CSNK1A1: variants seen among roughly 807,000 people sequenced by gnomAD.
CSNK1A1 encodes casein kinase I isoform alpha.
CSNK1A1 carries 7 observed loss-of-function variants against 46.1 expected under a neutral mutation model. That is an observed-to-expected ratio of 0.15 (90% CI 0.09 to 0.29). CSNK1A1 has a LOEUF of 0.29. CSNK1A1 is among the 10% of genes least tolerant of loss of function. The probability of loss-of-function intolerance (pLI) is 1.00; values close to 1 mark genes in which losing one functional copy is unlikely to be tolerated. For synonymous variants in CSNK1A1, 137 were observed against 141.5 expected, an observed-to-expected ratio of 0.97 and a Z score of 0.23; for missense variants, 96 against 417.1, an observed-to-expected ratio of 0.23 and a Z score of 6.71.
chr5:149,510,798 C>A (rs1235012243), intron 6 of CSNK1A1, among the ~76,000 whole-genome samples: 2 of 152,094 alleles, frequency 1.3e-5, no homozygotes, highest in East Asian at 1.9e-4. Flanking sequence ...ATTTTCTTAA[C>A]CCATGTTCAA....
chr5:149,513,865 A>C (rs942498190), intron 4 of CSNK1A1, among the ~76,000 whole-genome samples: 5 of 151,092 alleles, frequency 3.3e-5, no homozygotes, highest in Non-Finnish European at 5.9e-5. Flanking sequence ...GCGTCACTGC[A>C]CTCCAGCCTG....
chr5:149,497,833 G>T (rs1227337579), intron 9 of CSNK1A1: 1 of 985,104 alleles, frequency 1.0e-6, no homozygotes, highest in African/African-American at 1.7e-5. Context: ...TTTTCTTTTA[G>T]TTCTTTTTTC....
At chr5:149,524,792 A>AT (rs1406151686) in intron 3 of CSNK1A1, among the ~76,000 whole-genome samples, 9 of 152,358 alleles carry the variant, frequency 5.9e-5, no homozygotes, top group African/African-American at 2.2e-4. Context: ...AACCTGCTAC[A>AT]TATGACACTA....
intron 2 of CSNK1A1, among the ~76,000 whole-genome samples, chr5:149,544,381 G>C (rs1403649642): frequency 6.6e-6 from 1 of 152,034 alleles, no homozygotes; most frequent in Non-Finnish European, 1.5e-5. Flanking sequence ...TGTTTCTTGG[G>C]TCATTGCACG....
At chr5:149,516,117 C>A (rs1485472110) in intron 4 of CSNK1A1, among the ~76,000 whole-genome samples, 1 of 152,076 alleles carries the variant, frequency 6.6e-6, no homozygotes, top group East Asian at 1.9e-4. Context: ...GTCAGGAGTT[C>A]AAGACCAGTC....
intron 4 of CSNK1A1, among the ~76,000 whole-genome samples, chr5:149,513,647 C>A (rs1761304406): frequency 6.6e-6 from 1 of 152,180 alleles, no homozygotes; most frequent in Admixed American, 6.5e-5. Context: ...CGCCTATAAT[C>A]CCAGCACTTT....
At chr5:149,529,770 T>C (rs1761833199) in intron 2 of CSNK1A1, 1 of 456,156 alleles carries the variant, frequency 2.2e-6, no homozygotes, top group Admixed American at 2.3e-5. Flanking sequence ...GAGACATAAT[T>C]AAAATCAGTA....
Position 149,511,879 on chromosome 5 carries a change from A to G in CSNK1A1, c.597-7T>C, listed in dbSNP as rs777661417. ...TTCCATGTCATCTCGGCGACTAGAA[A>G]AGAGAACGTAATTTTATAAACTGGA... On this transcript the variant is annotated splice_polypyrimidine_tract_variant and splice_region_variant and intron_variant, in intron 5 of 9. Transcript: ENST00000377843. 3 of 1,594,476 alleles carry G rather than the reference A, an allele frequency of 1.9e-6. No homozygotes were observed. The Admixed American group carries it at 5.2e-5, about 28-fold the overall frequency.
intron 9 of CSNK1A1, chr5:149,497,611 G>A: frequency 1.0e-6 from 1 of 985,342 alleles, no homozygotes. Flanking sequence ...ACAGCTAAAG[G>A]CAAAGGGAGA....
At chr5:149,499,620 C>CT (rs35603016) in intron 9 of CSNK1A1, among the ~76,000 whole-genome samples, 4,333 of 144,140 alleles carry the variant, frequency 0.03, 87 homozygotes, top group Middle Eastern at 0.046. Flanking sequence ...AAAAGATATG[C>CT]TTTTTTTTTT....
chr5:149,542,556 T>C (rs1404659831), intron 2 of CSNK1A1, among the ~76,000 whole-genome samples: 1 of 119,474 alleles, frequency 8.4e-6, no homozygotes, highest in Non-Finnish European at 1.7e-5. Flanking sequence ...ATACTTTACA[T>C]GGGTTCAAGC....
rs1416932853 is a variant in CSNK1A1 at position 149,497,159 on chromosome 5, T to C, written c.1007-299A>G. 8 of 1,133,260 alleles carry C rather than the reference T, an allele frequency of 7.1e-6. No individual in the cohort carries two copies. The South Asian group carries it at 1.3e-4, about 18-fold the overall frequency. The allele number at this position is 1,133,260 out of a possible 1,614,324, so 70.2% of individuals were successfully genotyped here. Reference sequence around the variant, plus strand: ...ATGAGCATGTTTCTGCATTTTTACATATGCAGAACATATTAGGCATTCACA... The same window carrying C: ...ATGAGCATGTTTCTGCATTTTTACACATGCAGAACATATTAGGCATTCACA... On this transcript the variant is annotated intron_variant, in intron 9 of 9. Coordinates refer to ENST00000377843, the MANE Select transcript of CSNK1A1 (RefSeq NM_001892.6).
chr5:149,547,000 G>T (rs1291492899), intron 2 of CSNK1A1, among the ~76,000 whole-genome samples: 2 of 151,858 alleles, frequency 1.3e-5, no homozygotes, highest in African/African-American at 2.4e-5. Context: ...TAAAACCAAT[G>T]AACCACTTTT....
intron 2 of CSNK1A1, among the ~76,000 whole-genome samples, chr5:149,537,233 G>A (rs1055133816): frequency 1.5e-4 from 23 of 151,938 alleles, no homozygotes; most frequent in East Asian, 1.9e-4. Flanking sequence ...AAAATTAGCC[G>A]GGTGCAGTAG....
At chr5:149,548,620 G>A (rs1762556358) in intron 2 of CSNK1A1, among the ~76,000 whole-genome samples, 1 of 152,080 alleles carries the variant, frequency 6.6e-6, no homozygotes, top group Non-Finnish European at 1.5e-5. Flanking sequence ...CAGCACTTTG[G>A]GAGGCCGAGG....
At chr5:149,508,201 A>G (rs1415013145) in intron 7 of CSNK1A1, among the ~76,000 whole-genome samples, 3 of 152,180 alleles carry the variant, frequency 2.0e-5, no homozygotes, top group African/African-American at 7.2e-5. Context: ...GGAAGGATAG[A>G]ATGGAAATGC....
intron 2 of CSNK1A1, chr5:149,545,443 A>G (rs1312264514): frequency 7.6e-6 from 4 of 528,478 alleles, no homozygotes; most frequent in Non-Finnish European, 1.4e-5. Flanking sequence ...CTGGAACTGA[A>G]GCTGGAGCTG....
intron 2 of CSNK1A1, among the ~76,000 whole-genome samples, chr5:149,533,946 A>G (rs1761974351): frequency 6.6e-6 from 1 of 152,232 alleles, no homozygotes; most frequent in South Asian, 2.1e-4. Context: ...AAATGGAGTG[A>G]CTGACAATGG....
chr5:149,528,173 T>C (rs1402415607), intron 2 of CSNK1A1, among the ~76,000 whole-genome samples: 3 of 152,174 alleles, frequency 2.0e-5, no homozygotes, highest in South Asian at 2.1e-4. Flanking sequence ...ACACACATTA[T>C]TGGGCATTCT....
Sources: gnomAD v4.1 joint callset for allele counts (sites outside exome capture counted in the v4.1 genomes callset) on GRCh38, gnomAD v4.1.1 for gene constraint, MANE v1.5 for transcripts, NCBI Gene and HGNC (gene_info 2026-07-23, HGNC 2026-07-21) for gene names.